PTPRZ1: variants seen among roughly 807,000 people sequenced by gnomAD.
PTPRZ1 encodes the protein protein tyrosine phosphatase receptor type Z1.
PTPRZ1 carries 82 observed loss-of-function variants against 214.1 expected under a neutral mutation model. The ratio of observed to expected loss-of-function variants is 0.38; its 90% CI spans 0.32 to 0.46. The LOEUF (loss-of-function observed/expected upper bound fraction) is 0.46. Among genes scored for constraint, PTPRZ1 ranks in the 20% least tolerant of loss-of-function variants. PTPRZ1 has a pLI of 1.00. For synonymous variants in PTPRZ1, 945 were observed against 987.9 expected (o/e 0.96, Z 0.81); for missense variants, 2,603 against 2,748.7 (o/e 0.95, Z 1.19).
intron 23 of PTPRZ1, among the ~76,000 whole-genome samples, chr7:122,047,060 G>A (rs867147373): frequency 6.6e-6 from 1 of 152,190 alleles, no homozygotes; most frequent in Non-Finnish European, 1.5e-5. Context: ...AGGATCCAAA[G>A]TAAATAATGT....
intron 12 of PTPRZ1, among the ~76,000 whole-genome samples, chr7:122,018,691 C>G (rs960689670): frequency 1.3e-5 from 2 of 151,848 alleles, no homozygotes; most frequent in Admixed American, 1.3e-4. Context: ...AACTATTTAC[C>G]TAATGCAGGG....
intron 25 of PTPRZ1, among the ~76,000 whole-genome samples, chr7:122,053,101 G>T (rs920087549): frequency 6.6e-6 from 1 of 152,070 alleles, no homozygotes; most frequent in Non-Finnish European, 1.5e-5. Flanking sequence ...GACCCTGAAG[G>T]GTTCATGGCA....
intron 2 of PTPRZ1, among the ~76,000 whole-genome samples, chr7:121,966,200 A>G (rs904385268): frequency 7.9e-5 from 12 of 152,216 alleles, no homozygotes; most frequent in African/African-American, 2.2e-4. Flanking sequence ...TATGCTAAGT[A>G]TAAGATGCCT....
chr7:122,009,183 A>AG (rs1798573389), intron 11 of PTPRZ1, among the ~76,000 whole-genome samples: 1 of 152,068 alleles, frequency 6.6e-6, no homozygotes, highest in African/African-American at 2.4e-5. Context: ...CAGCCAAATA[A>AG]TTAAGCTGTA....
chr7:121,992,653 A>G (rs1198110627), intron 8 of PTPRZ1, among the ~76,000 whole-genome samples: 2 of 152,222 alleles, frequency 1.3e-5, no homozygotes, highest in African/African-American at 4.8e-5. Flanking sequence ...TTTAGAATCT[A>G]AAACCACTCG....
chr7:122,037,670 G>GT (rs1210504828), intron 18 of PTPRZ1, among the ~76,000 whole-genome samples: 1 of 152,170 alleles, frequency 6.6e-6, no homozygotes, highest in Non-Finnish European at 1.5e-5. Flanking sequence ...ACAGGCAACT[G>GT]TTTCATGCTT....
chr7:121,977,240 T>C (rs1797468658), intron 6 of PTPRZ1, among the ~76,000 whole-genome samples: 1 of 152,204 alleles, frequency 6.6e-6, no homozygotes, highest in Non-Finnish European at 1.5e-5. Flanking sequence ...AGAAAAGGAA[T>C]TGTTACTCAA....
At chr7:121,969,315 A>G (rs1797145605) in intron 3 of PTPRZ1, among the ~76,000 whole-genome samples, 1 of 152,184 alleles carries the variant, frequency 6.6e-6, no homozygotes, top group Non-Finnish European at 1.5e-5. Context: ...TAATCCCAGC[A>G]TTTTGGGAGG....
At chr7:121,928,375 C>T (rs187721545) in intron 2 of PTPRZ1, among the ~76,000 whole-genome samples, 154 bp downstream of exon 2, 38 of 152,164 alleles carry the variant, frequency 2.5e-4, no homozygotes, top group East Asian at 5.8e-4. Flanking sequence ...AAATATAAAA[C>T]GATATCTTAT....
intron 1 of PTPRZ1, among the ~76,000 whole-genome samples, chr7:121,895,890 A>T (rs1395214979): frequency 6.6e-6 from 1 of 152,134 alleles, no homozygotes. Flanking sequence ...CCAGATACAT[A>T]TTATTTCGTT....
Position 122,042,736 on chromosome 7 carries a change from A to C in PTPRZ1, c.5930A>C (p.Gln1977Pro). ...HIRSQRNYLV[Q>P]TEEQYVFIHD... ...CGTTCACAAAGAAATTATTTGGTAC[A>C]AACTGAGGTATGATTTTTAAAAAGA... The change falls in exon 22 of 30, where the codon CAA (glutamine) becomes CCA (proline). Residue 1977 changes from glutamine (Q) to proline (P), a missense_variant. Transcript: ENST00000393386. The C allele has an allele frequency of 3.1e-6, 5 of 1,610,170 alleles. No homozygotes were observed. Among genetic ancestry groups the C allele is most frequent in the Non-Finnish European group, 4.2e-6 (5 of 1,177,018 alleles).
intron 1 of PTPRZ1, among the ~76,000 whole-genome samples, chr7:121,903,251 C>T (rs1265240717): frequency 6.6e-6 from 1 of 152,094 alleles, no homozygotes. Context: ...ATGAATTTAT[C>T]TCATTTGATA....
chr7:121,899,288 C>T (rs1434445666), intron 1 of PTPRZ1, among the ~76,000 whole-genome samples: 2 of 152,066 alleles, frequency 1.3e-5, no homozygotes, highest in Non-Finnish European at 2.9e-5. Flanking sequence ...ATTCATGACT[C>T]ACAACGTTTC....
intron 2 of PTPRZ1, among the ~76,000 whole-genome samples, chr7:121,940,796 C>T (rs1460558614): frequency 6.6e-6 from 1 of 151,654 alleles, no homozygotes; most frequent in Non-Finnish European, 1.5e-5. Flanking sequence ...CTCCCCATCA[C>T]CTGCCAAATG....
intron 1 of PTPRZ1, among the ~76,000 whole-genome samples, chr7:121,891,603 G>A (rs1794625282): frequency 6.6e-6 from 1 of 150,810 alleles, no homozygotes; most frequent in African/African-American, 2.4e-5. Context: ...TTTTATTAAT[G>A]TTAAATGAAC....
At position 122,012,509 on chromosome 7, in the gene PTPRZ1, C is replaced by A. The variant is rs137876715; in HGVS notation, c.3463C>A (p.Pro1155Thr). The A allele has an allele frequency of 1.2e-6, 2 of 1,614,018 alleles. No individual in the cohort carries two copies. Among genetic ancestry groups the A allele is most frequent in the Non-Finnish European group, 1.7e-6 (2 of 1,179,964 alleles). ...SANSEPASSD[P>T]ASSEMLSPST... Reference sequence around the variant, plus strand: ...AAACTCAGAGCCAGCATCCTCTGACCCTGCTTCTAGTGAAATGTTATCTCC... The same window carrying A: ...AAACTCAGAGCCAGCATCCTCTGACACTGCTTCTAGTGAAATGTTATCTCC... Residue 1155 changes from proline to threonine, a missense_variant, in exon 12 of 30, where the codon CCT (proline) becomes ACT (threonine). Physicochemically the swap from Pro to Thr is conservative, Grantham distance 38. This residue lies in a region of PTPRZ1 where 1,913 missense variants were observed against 1,914.3 expected (regional missense o/e 1.00). Coordinates refer to ENST00000393386, the MANE Select transcript of PTPRZ1 (RefSeq NM_002851.3).
rs568235074 is a variant in PTPRZ1 at position 121,990,932 on chromosome 7, C to G, written c.929-5450C>G. Among the ~76,000 whole-genome samples the G allele has an allele frequency of 3.9e-5, 6 of 152,316 alleles. No homozygotes were observed. The East Asian group carries it at 9.6e-4, about 24-fold the overall frequency. ...TAAGTTCAACTGTATGCACGCCTTC[C>G]AGGCATCAGATGCTTTCATGCTGCC... On this transcript the variant is annotated intron_variant, in intron 8 of 29. Transcript: ENST00000393386.
intron 1 of PTPRZ1, among the ~76,000 whole-genome samples, chr7:121,883,360 C>G (rs965506692): frequency 6.6e-6 from 1 of 152,128 alleles, no homozygotes; most frequent in African/African-American, 2.4e-5. Flanking sequence ...ATGAAAACTA[C>G]TTACTTCATT....
At chr7:122,025,681 G>A (rs1352354221) in intron 13 of PTPRZ1, among the ~76,000 whole-genome samples, 1 of 152,168 alleles carries the variant, frequency 6.6e-6, no homozygotes, top group African/African-American at 2.4e-5. Flanking sequence ...GTTAGGTGCA[G>A]TGGAAAAGGA....
Sources: gnomAD v4.1 joint callset for allele counts (sites outside exome capture counted in the v4.1 genomes callset) on GRCh38, gnomAD v4.1.1 for gene constraint, gnomAD v4.1.1 regional missense constraint, MANE v1.5 for transcripts, NCBI Gene and HGNC (gene_info 2026-07-23, HGNC 2026-07-21) for gene names.